Variants in QDPR observed in about 807,000 individuals in gnomAD.
QDPR encodes dihydropteridine reductase.
A neutral mutation model predicts 31.7 loss-of-function variants in QDPR; 23 were observed. The observed-to-expected ratio is 0.73, with a 90% CI of 0.52 to 1.03. The LOEUF (loss-of-function observed/expected upper bound fraction) is 1.03, where lower values mean the gene tolerates loss of function less well. Ranked by LOEUF, QDPR falls within the 50% of genes least tolerant of loss-of-function variation. The pLI is 0.00. For missense variants in QDPR, 324 were observed against 323.8 expected, an observed-to-expected ratio of 1.00 and a Z score of 0.00; for synonymous variants, 124 against 124.7, an observed-to-expected ratio of 0.99 and a Z score of 0.03.
chr4:17,495,394 A>G (rs1718315933), intron 4 of QDPR, among the ~76,000 whole-genome samples: 1 of 152,174 alleles, frequency 6.6e-6, no homozygotes, highest in Admixed American at 6.5e-5. Flanking sequence ...AAGAAGCACA[A>G]GGCAGCTCCC....
In QDPR at chr4:17,492,287, G is replaced by C. The variant is rs774366700; in HGVS notation, c.490C>G (p.Leu164Val). Reference sequence around the variant, plus strand: ...GGCATGCCGCTGTTCTTCCCAGCCAGGCTCTGGCAGAGCTGGTGAACAGCA... The same window carrying C: ...GGCATGCCGCTGTTCTTCCCAGCCACGCTCTGGCAGAGCTGGTGAACAGCA... Reference protein sequence around the residue: ...KGAVHQLCQSLAGKNSGMPPG... With the variant: ...KGAVHQLCQSVAGKNSGMPPG... Residue 164 changes from leucine (L) to valine (V), a missense_variant, in exon 5 of 7, where the codon CTG becomes GTG. Physicochemically the swap from Leu to Val is conservative, Grantham distance 32 (BLOSUM62 1). Coordinates refer to ENST00000281243, the MANE Select transcript of QDPR (RefSeq NM_000320.3). The C allele has an allele frequency of 4.3e-6, 7 of 1,614,218 alleles. No individual in the cohort carries two copies. The highest frequency in any genetic ancestry group is 5.9e-6 in the Non-Finnish European group (7 of 1,180,046).
chr4:17,509,370 G>C lies in QDPR; in HGVS notation c.106-7C>G. On this transcript the variant is annotated splice_region_variant and splice_polypyrimidine_tract_variant and intron_variant, in intron 1 of 6. Transcript: ENST00000281243. ...CATCAACGCTGGCAACCCACTGGAA[G>C]GAGAAAACAGCTTTGGTTAAGAGGC... 6.2e-7 allele frequency: 1 copy of C among 1,611,904 alleles called. No individual in the cohort carries two copies. Among genetic ancestry groups the C allele is most frequent in the Non-Finnish European group, 8.5e-7 (1 of 1,178,106 alleles).
intron 1 of QDPR, among the ~76,000 whole-genome samples, chr4:17,509,601 C>T (rs1020304029): frequency 6.6e-6 from 1 of 152,146 alleles, no homozygotes; most frequent in Non-Finnish European, 1.5e-5. Flanking sequence ...GTGGCACATG[C>T]CTGTAGCCCC....
In QDPR at chr4:17,487,347, G is replaced by A. The variant is rs536129045; in HGVS notation, c.630-111C>T. On this transcript the variant is annotated intron_variant, in intron 6 of 6. Transcript: ENST00000281243. ...TGGGGGGAAGGGGTGGCACAGCAGC[G>A]ACTGTTTAAAAGCCACTAAGGGCTG... The A allele has an allele frequency of 3.7e-4, 306 of 829,456 alleles. 1 individual carries two copies. The highest frequency in any genetic ancestry group is 3.4e-3 in the African/African-American group (199 of 59,248). The allele number at this position is 829,456 out of a possible 1,614,324, so 51.4% of individuals were successfully genotyped here. A position where few individuals can be genotyped will look rare whatever the true frequency, so the allele number is the denominator to read the frequency against.
Position 17,509,277 on chromosome 4 carries a change from A to G in QDPR, c.192T>C (p.Ala64=). ...GGGGCCTTTTTGAAACTACCTGGTC[A>G]GCCTGCTCAGTGAACGAGTCTGTCA... ...VKMTDSFTEQ[A]DQVTAEVGKL... The change falls in exon 2 of 7, where the codon GCT becomes GCC. Residue 64 remains alanine (A), a synonymous_variant. Coordinates refer to ENST00000281243, the MANE Select transcript of QDPR (RefSeq NM_000320.3). 6.2e-7 allele frequency: 1 copy of G among 1,613,958 alleles called. No homozygotes were observed.
chr4:17,501,739 G>A lies in QDPR; in HGVS notation c.416C>T (p.Ala139Val). Reference sequence around the variant, plus strand: ...CTTACCAGGAGTCCCATCCAGGGCAGCCTTTGCGCCAGCCAAGGTCAGGAG... The same window carrying A: ...CTTACCAGGAGTCCCATCCAGGGCAACCTTTGCGCCAGCCAAGGTCAGGAG... ...GGLLTLAGAK[A>V]ALDGTPGMIG... Residue 139 changes from alanine (A) to valine (V), a missense_variant, in exon 4 of 7, where the codon GCT becomes GTT. Ala to Val is a moderately conservative substitution (Grantham distance 64). Transcript: ENST00000281243. 6.2e-7 allele frequency: 1 copy of A among 1,614,136 alleles called. No homozygotes were observed. Among genetic ancestry groups the A allele is most frequent in the Non-Finnish European group, 8.5e-7 (1 of 1,180,032 alleles).
intron 4 of QDPR, among the ~76,000 whole-genome samples, chr4:17,498,348 T>G (rs1228283920): frequency 1.3e-5 from 2 of 152,190 alleles, no homozygotes; most frequent in Non-Finnish European, 2.9e-5. Flanking sequence ...TTCGCCATCC[T>G]TAGCTTCTCT....
intron 3 of QDPR, among the ~76,000 whole-genome samples, chr4:17,502,260 A>G (rs1376622652): frequency 6.6e-6 from 1 of 152,252 alleles, no homozygotes; most frequent in Non-Finnish European, 1.5e-5. Context: ...CTGTACAGCT[A>G]TAAAGAGAGC....
intron 2 of QDPR, 148 bp from the exon 3 acceptor site, chr4:17,504,623 T>G: frequency 1.4e-6 from 1 of 728,276 alleles, no homozygotes; most frequent in Non-Finnish European, 2.5e-6. Flanking sequence ...GACGGAAGAC[T>G]AAGCTCTGAT....
intron 1 of QDPR, among the ~76,000 whole-genome samples, chr4:17,511,715 C>T (rs889815806): frequency 9.2e-5 from 14 of 152,178 alleles, no homozygotes; most frequent in African/African-American, 3.4e-4. Context: ...TTGGGTCTGG[C>T]GGAGGCCCAC....
chr4:17,497,001 G>A (rs749694365), intron 4 of QDPR, among the ~76,000 whole-genome samples: 42 of 152,142 alleles, frequency 2.8e-4, no homozygotes, highest in Middle Eastern at 3.4e-3. Flanking sequence ...CACCCGCTGT[G>A]GCCTCCCAAA....
At chr4:17,487,886 T>A (rs1024765067) in intron 6 of QDPR, among the ~76,000 whole-genome samples, 1 of 152,204 alleles carries the variant, frequency 6.6e-6, no homozygotes, top group Admixed American at 6.5e-5. Flanking sequence ...CTCATTCTAA[T>A]CTCTGAGTGG....
chr4:17,486,972 C>T lies in QDPR; in HGVS notation c.*159G>A, dbSNP rs903896010. 1 of 677,940 alleles carries T rather than the reference C, an allele frequency of 1.5e-6. No homozygotes were observed. The highest frequency in any genetic ancestry group is 2.7e-6 in the Non-Finnish European group (1 of 372,864). The allele number at this position is 677,940 out of a possible 1,614,324, so 42.0% of individuals were successfully genotyped here. ...CTTTACTTCACATAAATGTATTACA[C>T]TGTCCTAGGAGAGCAAATGCATATT... On this transcript the variant is annotated 3_prime_UTR_variant, in exon 7 of 7. Transcript: ENST00000281243.
chr4:17,493,265 G>A (rs1026747754), intron 4 of QDPR, among the ~76,000 whole-genome samples: 3 of 152,060 alleles, frequency 2.0e-5, no homozygotes, highest in Admixed American at 1.3e-4. Context: ...GCAACGTAGT[G>A]GGACCCCATC....
intron 3 of QDPR, among the ~76,000 whole-genome samples, chr4:17,503,678 A>C: frequency 6.6e-6 from 1 of 152,220 alleles, no homozygotes; most frequent in East Asian, 1.9e-4. Context: ...GGCCAGGCGC[A>C]CTGGCTCACG....
intron 4 of QDPR, among the ~76,000 whole-genome samples, chr4:17,494,352 G>A (rs556765025): frequency 3.4e-4 from 51 of 152,228 alleles, no homozygotes; most frequent in Non-Finnish European, 5.9e-4. Flanking sequence ...GCAACTTATA[G>A]AGATGATCCC....
At chr4:17,503,701 G>A (rs911745626) in intron 3 of QDPR, among the ~76,000 whole-genome samples, 4 of 152,334 alleles carry the variant, frequency 2.6e-5, no homozygotes, top group South Asian at 2.1e-4. Context: ...CGTAACCCCA[G>A]CACTTTGGGA....
intron 6 of QDPR, chr4:17,490,395 G>T: frequency 2.3e-6 from 1 of 441,356 alleles, no homozygotes; most frequent in Non-Finnish European, 4.3e-6. Flanking sequence ...GCCTCAGCAG[G>T]TCAATAATGT....
Position 17,504,421 on chromosome 4 carries a change from A to G in QDPR, c.253T>C (p.Cys85Arg). 6.2e-7 allele frequency: 1 copy of G among 1,614,208 alleles called. No homozygotes were observed. The highest frequency in any genetic ancestry group is 1.1e-5 in the South Asian group (1 of 91,084). Residue 85 changes from cysteine to arginine, a missense_variant, in exon 3 of 7, where the codon TGC (cysteine) becomes CGC (arginine). By Grantham distance (180) the Cys-to-Arg change is radical. Coordinates refer to ENST00000281243, the MANE Select transcript of QDPR (RefSeq NM_000320.3). ...LGEEKVDAIL[C>R]VAGGWAGGNA... ...CCCCCGGCCCATCCTCCAGCAACGC[A>G]AAGAATTGCATCCACCTTCTCTTCA...
Sources: allele counts gnomAD v4.1 joint callset (sites outside exome capture counted in the v4.1 genomes callset), GRCh38; gene constraint gnomAD v4.1.1; transcripts MANE v1.5; gene names NCBI Gene and HGNC (gene_info 2026-07-23, HGNC 2026-07-21).